The following SLC9A9 variants were observed in gnomAD, a reference collection of about 807,000 sequenced individuals.
SLC9A9 encodes solute carrier family 9 member A9, also known as sodium/hydrogen exchanger 9.
A neutral mutation model predicts 77.8 loss-of-function variants in SLC9A9; 62 were observed. That is an observed-to-expected ratio of 0.80 (90% CI 0.65 to 0.98). SLC9A9 has a LOEUF of 0.98. SLC9A9 is among the 50% of genes least tolerant of loss of function. SLC9A9 has a pLI of 0.00. For missense variants in SLC9A9, 775 were observed against 774.9 expected (o/e 1.00, Z 0.00); for synonymous variants, 320 against 283.5 (o/e 1.13, Z -1.29).
intron 4 of SLC9A9, among the ~76,000 whole-genome samples, chr3:143,730,819 C>A (rs1408126056): frequency 6.6e-6 from 1 of 151,926 alleles, no homozygotes; most frequent in Non-Finnish European, 1.5e-5. Context: ...AAGCCTTACA[C>A]CCACACCACT....
chr3:143,395,276 G>C (rs897525651), intron 12 of SLC9A9, among the ~76,000 whole-genome samples: 5 of 152,120 alleles, frequency 3.3e-5, no homozygotes, highest in Non-Finnish European at 7.4e-5. Flanking sequence ...ACAGAACAGA[G>C]CCCTCAGAAA....
chr3:143,577,501 A>C (rs1559976349), intron 7 of SLC9A9, among the ~76,000 whole-genome samples: 2 of 152,206 alleles, frequency 1.3e-5, no homozygotes, highest in Non-Finnish European at 2.9e-5. Flanking sequence ...TATTCCAGAC[A>C]CAACAGCCTT....
intron 6 of SLC9A9, among the ~76,000 whole-genome samples, chr3:143,592,831 T>TG (rs1459197464): frequency 1.3e-5 from 2 of 152,182 alleles, no homozygotes; most frequent in African/African-American, 4.8e-5. Flanking sequence ...TGTGAAACAC[T>TG]GCAGCTCCCA....
Position 143,517,562 on chromosome 3 carries a change from T to G in SLC9A9, c.1090-22114A>C, listed in dbSNP as rs1291448712. The G allele has an allele frequency of 2.5e-6, 4 of 1,597,634 alleles. No homozygotes were observed. In the East Asian group the frequency reaches 8.9e-5, roughly 36 times the overall value. On this transcript the variant is annotated intron_variant, in intron 9 of 15. Coordinates refer to ENST00000316549, the MANE Select transcript of SLC9A9 (RefSeq NM_173653.4). ...AATTTTCTGTGCCCTAGGTTGAACT[T>G]CTTTCAGCATTGCACTAGCATCTTC...
At chr3:143,765,861 C>G (rs1415485135) in intron 4 of SLC9A9, among the ~76,000 whole-genome samples, 1 of 152,154 alleles carries the variant, frequency 6.6e-6, no homozygotes, top group Admixed American at 6.6e-5. Flanking sequence ...TGTTAGCAGA[C>G]TTGGCTTAAG....
intron 12 of SLC9A9, among the ~76,000 whole-genome samples, chr3:143,431,716 C>T (rs755453257): frequency 4.6e-5 from 7 of 152,162 alleles, no homozygotes; most frequent in South Asian, 4.2e-4. Flanking sequence ...CTCCCGACCT[C>T]GTGACCCAAT....
intron 6 of SLC9A9, among the ~76,000 whole-genome samples, chr3:143,618,159 C>T (rs1286987456): frequency 6.6e-6 from 1 of 152,138 alleles, no homozygotes; most frequent in Non-Finnish European, 1.5e-5. Flanking sequence ...GGAGGAAAAG[C>T]ATTAATATAG....
intron 4 of SLC9A9, among the ~76,000 whole-genome samples, chr3:143,712,612 T>A (rs539278038): frequency 4.9e-5 from 7 of 142,394 alleles, no homozygotes. Flanking sequence ...GGGCATAATG[T>A]CCTCCTTTAG....
chr3:143,300,389 C>A (rs992186878), intron 14 of SLC9A9, among the ~76,000 whole-genome samples: 4 of 152,206 alleles, frequency 2.6e-5, no homozygotes, highest in Non-Finnish European at 5.9e-5. Flanking sequence ...CCATTCTGCA[C>A]CTCATTGGAA....
chr3:143,656,632 T>G (rs575889589), intron 5 of SLC9A9, among the ~76,000 whole-genome samples: 8 of 152,178 alleles, frequency 5.3e-5, no homozygotes, highest in South Asian at 2.1e-4. Flanking sequence ...CTCAGCAACC[T>G]AGCACAAGAT....
intron 12 of SLC9A9, among the ~76,000 whole-genome samples, chr3:143,461,564 T>C (rs978157049): frequency 3.3e-5 from 5 of 152,174 alleles, no homozygotes; most frequent in Non-Finnish European, 5.9e-5. Context: ...AAGGGGTAGA[T>C]ATCATTATTC....
At chr3:143,751,072 A>C (rs2006696694) in intron 4 of SLC9A9, among the ~76,000 whole-genome samples, 1 of 152,210 alleles carries the variant, frequency 6.6e-6, no homozygotes, top group African/African-American at 2.4e-5. Flanking sequence ...ATGCTGCTTC[A>C]AGGAGATAGG....
chr3:143,725,133 A>G (rs2108805303), intron 4 of SLC9A9, among the ~76,000 whole-genome samples: 1 of 152,316 alleles, frequency 6.6e-6, no homozygotes, highest in South Asian at 2.1e-4. Context: ...TATTATTTAA[A>G]GGCTTTGAAG....
intron 12 of SLC9A9, among the ~76,000 whole-genome samples, chr3:143,422,656 C>T (rs1325142349): frequency 6.6e-6 from 1 of 152,290 alleles, no homozygotes; most frequent in Admixed American, 6.5e-5. Flanking sequence ...ATGCTCATAA[C>T]TTGGATGATG....
At chr3:143,689,398 G>T (rs905714083) in intron 5 of SLC9A9, among the ~76,000 whole-genome samples, 2 of 152,084 alleles carry the variant, frequency 1.3e-5, no homozygotes, top group African/African-American at 4.8e-5. Context: ...TTAGAAAGAT[G>T]ATTATTATTA....
chr3:143,632,250 T>A (rs1419245017), intron 6 of SLC9A9, among the ~76,000 whole-genome samples: 1 of 152,124 alleles, frequency 6.6e-6, no homozygotes, highest in Non-Finnish European at 1.5e-5. Context: ...TGGAGGCAGA[T>A]GACTTAGAGG....
At chr3:143,328,580 A>G (rs1403288474) in intron 14 of SLC9A9, among the ~76,000 whole-genome samples, 1 of 152,216 alleles carries the variant, frequency 6.6e-6, no homozygotes, top group African/African-American at 2.4e-5. Flanking sequence ...TTCAAAGCCC[A>G]GTGCAATGCC....
intron 9 of SLC9A9, among the ~76,000 whole-genome samples, chr3:143,524,853 C>T (rs1315340882): frequency 6.6e-6 from 1 of 152,172 alleles, no homozygotes; most frequent in African/African-American, 2.4e-5. Flanking sequence ...GAGCCTGCCT[C>T]TCCTGTTTTG....
chr3:143,782,818 A>G (rs1576722617), intron 4 of SLC9A9, among the ~76,000 whole-genome samples: 3 of 152,356 alleles, frequency 2.0e-5, no homozygotes, highest in East Asian at 3.9e-4. Flanking sequence ...CTAGCAGGGA[A>G]CATACAAAAG....
Sources: allele counts gnomAD v4.1 joint callset (sites outside exome capture counted in the v4.1 genomes callset), GRCh38; gene constraint gnomAD v4.1.1; transcripts MANE v1.5; gene names NCBI Gene and HGNC (gene_info 2026-07-23, HGNC 2026-07-21).